The following MYCBP2 variants were observed in gnomAD, a reference collection of about 807,000 sequenced individuals.
The protein encoded by MYCBP2 is MYC binding protein 2.
In MYCBP2, 120 loss-of-function variants were observed where a neutral mutation model predicts 525.3. That is an observed-to-expected ratio of 0.23 (90% CI 0.20 to 0.27). MYCBP2 has a LOEUF of 0.27. Among genes scored for constraint, MYCBP2 ranks in the 10% least tolerant of loss-of-function variants. MYCBP2 has a pLI of 1.00. For missense variants in MYCBP2, 4,149 were observed against 5,657.1 expected (o/e 0.73, Z 8.55); for synonymous variants, 1,894 against 1,955.8 (o/e 0.97, Z 0.83).
Position 77,178,488 on chromosome 13 carries a change from T to A in MYCBP2, c.5134-534A>T, listed in dbSNP as rs551085622. ...ATACCCTAAGATTGAATACTACGAATATATACAGTGATATTTTTGTAACAG... is the reference window on the plus strand; with the variant it reads ...ATACCCTAAGATTGAATACTACGAAAATATACAGTGATATTTTTGTAACAG... On this transcript the variant is annotated intron_variant, in intron 34 of 82. Coordinates refer to ENST00000544440, the MANE Select transcript of MYCBP2 (RefSeq NM_015057.5). Among the ~76,000 whole-genome samples, 6 of 152,350 alleles carry A rather than the reference T, an allele frequency of 3.9e-5. No individual in the cohort carries two copies. In the South Asian group the frequency reaches 1.2e-3, roughly 32 times the overall value.
chr13:77,270,568 A>G, intron 5 of MYCBP2, 30 bp from the exon 6 acceptor site: 1 of 1,560,174 alleles, frequency 6.4e-7, no homozygotes. Flanking sequence ...AATAATGAAA[A>G]AACATTTTTA....
Position 77,243,361 on chromosome 13 carries a change from C to T in MYCBP2, c.2528-201G>A, listed in dbSNP as rs1001754286. On this transcript the variant is annotated intron_variant, in intron 16 of 82. Transcript: ENST00000544440. Reference sequence around the variant, plus strand: ...GGCATGGTGGCCCACACCTGTAATCCCAGCACTTTGGGAGGCCAAGGTGGG... The same window carrying T: ...GGCATGGTGGCCCACACCTGTAATCTCAGCACTTTGGGAGGCCAAGGTGGG... Among the ~76,000 whole-genome samples, 8 of 152,042 alleles carry T rather than the reference C, an allele frequency of 5.3e-5. No homozygotes were observed. In the East Asian group the frequency reaches 1.5e-3, roughly 29 times the overall value.
intron 29 of MYCBP2, 26 bp from the exon 30 acceptor site, chr13:77,189,073 T>C (rs751672498): frequency 3.3e-6 from 5 of 1,514,534 alleles, no homozygotes; most frequent in Non-Finnish European, 4.5e-6. Flanking sequence ...ACATATAAAA[T>C]TATGTTAGAA....
chr13:77,241,993 G>C (rs1194117353), intron 17 of MYCBP2, among the ~76,000 whole-genome samples: 1 of 151,876 alleles, frequency 6.6e-6, no homozygotes, highest in Non-Finnish European at 1.5e-5. Context: ...TAAAATCATA[G>C]ACTTCCATAA....
In MYCBP2 at chr13:77,095,562, G is replaced by A. The variant is rs760876821; in HGVS notation, c.9995C>T (p.Pro3332Leu). ...SRRKPMQVKT[P>L]RALPTMEAHQ... ...AGCTTCCATGGTGGGCAAGGCACGA[G>A]GGGTCTTGACTTGCATTGGTTTTCT... The change falls in exon 58 of 83, where the codon CCT becomes CTT. Residue 3332 changes from proline to leucine, a missense_variant. This residue lies in a region of MYCBP2 where 509 missense variants were observed against 789.4 expected (regional missense o/e 0.64). Transcript: ENST00000544440. 6.8e-6 allele frequency: 11 copies of A among 1,613,524 alleles called. No individual in the cohort carries two copies. The Admixed American group carries it at 1.5e-4, about 22-fold the overall frequency.
intron 1 of MYCBP2, among the ~76,000 whole-genome samples, chr13:77,320,408 A>G (rs1446544454): frequency 6.6e-6 from 1 of 152,178 alleles, no homozygotes; most frequent in African/African-American, 2.4e-5. Context: ...GAGAAACTAC[A>G]TTTCACTGAC....
chr13:77,052,985 G>T (rs1594046322), intron 80 of MYCBP2, among the ~76,000 whole-genome samples: 1 of 151,808 alleles, frequency 6.6e-6, no homozygotes, highest in Non-Finnish European at 1.5e-5. Flanking sequence ...AACAAACACA[G>T]AAATTAGCCA....
At chr13:77,103,362 A>T (rs1342620047) in intron 55 of MYCBP2, 1 of 396,800 alleles carries the variant, frequency 2.5e-6, no homozygotes, top group Non-Finnish European at 4.5e-6. Context: ...TGGAAAAAAA[A>T]TTTAGCAGAG....
At chr13:77,080,806 G>GTGGC (rs1456754594) in intron 65 of MYCBP2, 1 of 152,244 alleles carries the variant, frequency 6.6e-6, no homozygotes, top group Non-Finnish European at 1.5e-5. Context: ...GCCAAGCATG[G>GTGGC]TGGCGTGTGC....
intron 62 of MYCBP2, among the ~76,000 whole-genome samples, chr13:77,086,872 AT>A (rs1308428822): frequency 6.6e-6 from 1 of 152,074 alleles, no homozygotes; most frequent in Non-Finnish European, 1.5e-5. Context: ...TTAGATTAGT[AT>A]TTATGTTTTC....
At chr13:77,206,851 C>A (rs1380171215) in intron 23 of MYCBP2, 26 bp from the exon 24 acceptor site, 7 of 1,549,832 alleles carry the variant, frequency 4.5e-6, no homozygotes, top group South Asian at 1.2e-5. Context: ...ATAATTACAG[C>A]ACCTCAATGT....
intron 57 of MYCBP2, 100 bp downstream of exon 57, chr13:77,096,212 C>T (rs775914093): frequency 1.8e-4 from 215 of 1,187,346 alleles, no homozygotes; most frequent in Non-Finnish European, 2.3e-4. Context: ...CTTTTAATAT[C>T]AACTATGTGG....
chr13:77,059,556 A>G lies in MYCBP2; in HGVS notation c.13107T>C (p.Ala4369=). The G allele has an allele frequency of 1.9e-6, 3 of 1,614,126 alleles. No homozygotes were observed. Among genetic ancestry groups the G allele is most frequent in the Non-Finnish European group, 2.5e-6 (3 of 1,179,978 alleles). Residue 4369 remains alanine (A), a synonymous_variant, in exon 77 of 83, where the codon GCT becomes GCC. Coordinates refer to ENST00000544440, the MANE Select transcript of MYCBP2 (RefSeq NM_015057.5). ...CTGCATCAGAACAAACACTGCCAACAGCAGATAACTCTGTTCCACTCCTGG... is the reference window on the plus strand; with the variant it reads ...CTGCATCAGAACAAACACTGCCAACGGCAGATAACTCTGTTCCACTCCTGG... ...CGSRSGTELS[A]VGSVCSDADC...
In MYCBP2 at chr13:77,270,277, C is replaced by A; in HGVS notation, c.1188+19G>T. On this transcript the variant is annotated intron_variant, in intron 6 of 82. Coordinates refer to ENST00000544440, the MANE Select transcript of MYCBP2 (RefSeq NM_015057.5). ...GTTATAACTCTGTATAATTAAGGAA[C>A]TGTAAGGAATCACATTACCCTAACT... The A allele has an allele frequency of 6.3e-7, 1 of 1,593,924 alleles. No homozygotes were observed.
At chr13:77,256,700 C>T (rs181713295) in intron 14 of MYCBP2, among the ~76,000 whole-genome samples, 78 of 151,968 alleles carry the variant, frequency 5.1e-4, no homozygotes, top group African/African-American at 1.7e-3. Context: ...CCCCAGTTAA[C>T]GTGGCTTTTA....
At position 77,185,815 on chromosome 13, in the gene MYCBP2, T is replaced by C; in HGVS notation, c.4444+56A>G. ...ACTCTCAGTTATCTCAAAGTAAATC[T>C]TCTCAATGTCTCTAATATTTTCTCC... On this transcript the variant is annotated intron_variant, in intron 31 of 82. Coordinates refer to ENST00000544440, the MANE Select transcript of MYCBP2 (RefSeq NM_015057.5). 3.9e-6 allele frequency: 5 copies of C among 1,278,282 alleles called. 1 individual carries two copies. In the South Asian group the frequency reaches 7.2e-5, roughly 18 times the overall value. The allele number at this position is 1,278,282 out of a possible 1,614,324, so 79.2% of individuals were successfully genotyped here.
chr13:77,097,265 A>G (rs2046405567), intron 56 of MYCBP2, 105 bp downstream of exon 56: 1 of 1,441,320 alleles, frequency 6.9e-7, no homozygotes, highest in Admixed American at 2.4e-5. Flanking sequence ...CTAAGATACT[A>G]TAAATTCCCT....
intron 1 of MYCBP2, among the ~76,000 whole-genome samples, chr13:77,324,511 G>A (rs2082066059): frequency 6.6e-6 from 1 of 152,136 alleles, no homozygotes; most frequent in African/African-American, 2.4e-5. Context: ...AGTAGTTGCA[G>A]GCTACTTTTT....
Position 77,045,091 on chromosome 13 carries a change from C to G in MYCBP2, c.*287G>C. On this transcript the variant is annotated 3_prime_UTR_variant, in exon 83 of 83. Coordinates refer to ENST00000544440, the MANE Select transcript of MYCBP2 (RefSeq NM_015057.5). The stretch of plus-strand genomic sequence containing the variant: ...ATGGCGATTCTTTTATATCAATTAT[C>G]TATAAATGTCCAATGCTTCACAGGC... 2.4e-6 allele frequency: 1 copy of G among 421,996 alleles called. No homozygotes were observed. Among genetic ancestry groups the G allele is most frequent in the Non-Finnish European group, 4.2e-6 (1 of 239,300 alleles). 26.1% of individuals were successfully genotyped at this position (421,996 alleles called of 1,614,324 possible). A position where few individuals can be genotyped will look rare whatever the true frequency, so the allele number is the denominator to read the frequency against.
Sources: gnomAD v4.1 joint callset for allele counts (sites outside exome capture counted in the v4.1 genomes callset) on GRCh38, gnomAD v4.1.1 for gene constraint, gnomAD v4.1.1 regional missense constraint, MANE v1.5 for transcripts, NCBI Gene and HGNC (gene_info 2026-07-23, HGNC 2026-07-21) for gene names.